FLI1: variants seen among roughly 807,000 people sequenced by gnomAD.
FLI1 encodes the protein Fli-1 proto-oncogene, ETS transcription factor, also known as Friend leukemia integration 1 transcription factor.
A neutral mutation model predicts 53.1 loss-of-function variants in FLI1; 13 were observed. The ratio of observed to expected loss-of-function variants is 0.24; its 90% confidence interval spans 0.16 to 0.39. FLI1 has a LOEUF of 0.39. FLI1 is among the 10% of genes least tolerant of loss of function. The pLI is 1.00. For missense variants in FLI1, 424 were observed against 600.5 expected (o/e 0.71, Z 3.07); for synonymous variants, 244 against 236.7 (o/e 1.03, Z -0.28).
In FLI1 at chr11:128,809,305, G is replaced by A. The variant is rs73021474; in HGVS notation, c.829+101G>A. On this transcript the variant is annotated intron_variant, in intron 8 of 8. Coordinates refer to ENST00000527786, the MANE Select transcript of FLI1 (RefSeq NM_002017.5). ...CTAAGTCCAGACACCTGAGTGGGGAGTAACATGCACGTCTTTCCTTGAAAT... is the reference window on the plus strand; with the variant it reads ...CTAAGTCCAGACACCTGAGTGGGGAATAACATGCACGTCTTTCCTTGAAAT... 3 of 962,260 alleles carry A rather than the reference G, an allele frequency of 3.1e-6. No homozygotes were observed. In the East Asian group the frequency reaches 7.2e-5, roughly 23 times the overall value. The allele number at this position is 962,260 out of a possible 1,614,324, so 59.6% of individuals were successfully genotyped here. A position where few individuals can be genotyped will look rare whatever the true frequency, so the allele number is the denominator to read the frequency against.
At chr11:128,687,298 C>T (rs1313675882) in intron 1 of FLI1, among the ~76,000 whole-genome samples, 2 of 151,924 alleles carry the variant, frequency 1.3e-5, no homozygotes, top group African/African-American at 2.4e-5. Context: ...CAACAGTTTC[C>T]AAGAATGTAA....
chr11:128,765,820 G>C lies in FLI1; in HGVS notation c.231-2298G>C, dbSNP rs549799834. ...TAATGTGTATGCGTGTGTGTGCACT[G>C]TGTTTGCATGTGTGTGCATGTGTTG... On this transcript the variant is annotated intron_variant, in intron 2 of 8. Coordinates refer to ENST00000527786, the MANE Select transcript of FLI1 (RefSeq NM_002017.5). Among the ~76,000 whole-genome samples the C allele has an allele frequency of 1.4e-4, 21 of 147,388 alleles. No individual in the cohort carries two copies. The East Asian group carries it at 2.1e-3, about 15-fold the overall frequency.
Position 128,758,238 on chromosome 11 carries a change from A to T in FLI1, c.142A>T (p.Ile48Phe), listed in dbSNP as rs368549466. 55 of 1,613,334 alleles carry T rather than the reference A, an allele frequency of 3.4e-5. No individual in the cohort carries two copies. Among genetic ancestry groups the T allele is most frequent in the Non-Finnish European group, 4.0e-5 (47 of 1,179,708 alleles). The change falls in exon 2 of 9, where the codon ATC becomes TTC. Residue 48 changes from isoleucine (I) to phenylalanine (F), a missense_variant. Physicochemically the swap from Ile to Phe is conservative, Grantham distance 21. This residue lies in a region of FLI1 where 137 missense variants were observed against 169.1 expected (regional missense o/e 0.81). Coordinates refer to ENST00000527786, the MANE Select transcript of FLI1 (RefSeq NM_002017.5). ...GSPDYGQPHK[I>F]NPLPPQQEWI... Reference sequence around the variant, plus strand: ...TCCTGACTACGGGCAGCCCCACAAGATCAACCCCCTCCCACCACAGCAGGA... The same window carrying T: ...TCCTGACTACGGGCAGCCCCACAAGTTCAACCCCCTCCCACCACAGCAGGA...
Position 128,758,290 on chromosome 11 carries a change from A to G in FLI1, c.194A>G (p.Asn65Ser). The change falls in exon 2 of 9, where the codon AAC (asparagine) becomes AGC (serine). Residue 65 changes from asparagine to serine, a missense_variant. By Grantham distance (46) the Asn-to-Ser change is conservative (BLOSUM62 1). Transcript: ENST00000527786. Reference protein sequence around the residue: ...QEWINQPVRVNVKREYDHMNG... With the variant: ...QEWINQPVRVSVKREYDHMNG... ...TGGATCAATCAGCCAGTGAGGGTCA[A>G]CGTCAAGCGGGAGTATGACCACATG... is the stretch of plus-strand genomic sequence containing the variant. 6.2e-7 allele frequency: 1 copy of G among 1,613,662 alleles called. No homozygotes were observed. Among genetic ancestry groups the G allele is most frequent in the Non-Finnish European group, 8.5e-7 (1 of 1,179,742 alleles).
intron 1 of FLI1, among the ~76,000 whole-genome samples, chr11:128,751,857 TA>T (rs1456920647): frequency 1.3e-5 from 2 of 149,548 alleles, no homozygotes; most frequent in Non-Finnish European, 3.0e-5. Context: ...GAGAAAGAGT[TA>T]TGCCACGTTA....
At chr11:128,805,753 T>C (rs369214200) in intron 6 of FLI1, 11 of 259,998 alleles carry the variant, frequency 4.2e-5, no homozygotes, top group African/African-American at 1.8e-4. Flanking sequence ...TAAATCAAGA[T>C]AATGACTCTC....
At chr11:128,770,493 T>C (rs1479452726) in intron 3 of FLI1, among the ~76,000 whole-genome samples, 1 of 152,226 alleles carries the variant, frequency 6.6e-6, no homozygotes, top group Non-Finnish European at 1.5e-5. Flanking sequence ...AGTTAATCAC[T>C]AGCTCCATGT....
intron 4 of FLI1, among the ~76,000 whole-genome samples, chr11:128,780,463 C>T (rs1206260856): frequency 2.6e-5 from 4 of 152,170 alleles, no homozygotes; most frequent in Admixed American, 1.3e-4. Context: ...AGCATGGTGG[C>T]ACATGCCTGT....
intron 1 of FLI1, among the ~76,000 whole-genome samples, chr11:128,687,457 G>T (rs1189913307): frequency 1.3e-5 from 2 of 152,122 alleles, no homozygotes; most frequent in East Asian, 1.9e-4. Flanking sequence ...GACGCCCTCC[G>T]AGTAGGGACC....
intron 1 of FLI1, among the ~76,000 whole-genome samples, chr11:128,710,217 A>G (rs958948682): frequency 2.6e-5 from 4 of 152,226 alleles, no homozygotes; most frequent in African/African-American, 9.6e-5. Context: ...ATTTGCCCAT[A>G]TTCTACCCAC....
chr11:128,746,863 G>A (rs958981550), intron 1 of FLI1, among the ~76,000 whole-genome samples: 4 of 152,198 alleles, frequency 2.6e-5, no homozygotes, highest in Non-Finnish European at 5.9e-5. Flanking sequence ...CTTGCCCAAA[G>A]TTGCACAGCC....
chr11:128,690,277 C>G (rs1453011863), upstream of FLI1, among the ~76,000 whole-genome samples: 2 of 152,226 alleles, frequency 1.3e-5, no homozygotes, highest in African/African-American at 4.8e-5. Flanking sequence ...CTCGGATACC[C>G]GCTGCGGCCT....
At chr11:128,809,805 G>A (rs1942890792) in intron 8 of FLI1, among the ~76,000 whole-genome samples, 1 of 152,044 alleles carries the variant, frequency 6.6e-6, no homozygotes, top group South Asian at 2.1e-4. Context: ...CCCATCCCAG[G>A]GACTCTGCCT....
chr11:128,726,538 C>A (rs1262302495), intron 1 of FLI1, among the ~76,000 whole-genome samples: 1 of 148,318 alleles, frequency 6.7e-6, no homozygotes, highest in Non-Finnish European at 1.5e-5. Context: ...ACCCTCCCAC[C>A]CCCCTACCCC....
At chr11:128,762,623 T>C (rs1941165731) in intron 2 of FLI1, among the ~76,000 whole-genome samples, 1 of 152,228 alleles carries the variant, frequency 6.6e-6, no homozygotes, top group Admixed American at 6.5e-5. Context: ...CATTTCATCG[T>C]TTTGTTTTCT....
At chr11:128,725,595 A>G (rs996610180) in intron 1 of FLI1, among the ~76,000 whole-genome samples, 1 of 152,160 alleles carries the variant, frequency 6.6e-6, no homozygotes, top group African/African-American at 2.4e-5. Context: ...TTTGGAATGT[A>G]ATAAATGATT....
At chr11:128,779,215 C>T (rs953080090) in intron 4 of FLI1, among the ~76,000 whole-genome samples, 4 of 152,204 alleles carry the variant, frequency 2.6e-5, no homozygotes, top group African/African-American at 7.2e-5. Context: ...TTCGTGCTTT[C>T]GGCTACATCT....
intron 1 of FLI1, among the ~76,000 whole-genome samples, chr11:128,746,094 C>G (rs751063229): frequency 1.3e-5 from 2 of 152,082 alleles, no homozygotes; most frequent in African/African-American, 2.4e-5. Context: ...ACTCAAAGCG[C>G]AAAGATAGAA....
intron 2 of FLI1, among the ~76,000 whole-genome samples, chr11:128,767,310 A>C (rs1175043907): frequency 6.6e-6 from 1 of 152,202 alleles, no homozygotes; most frequent in African/African-American, 2.4e-5. Context: ...CCACCTCTCC[A>C]TCAGGTGGAA....
Sources: gnomAD v4.1 joint callset for allele counts (sites outside exome capture counted in the v4.1 genomes callset) on GRCh38, gnomAD v4.1.1 for gene constraint, gnomAD v4.1.1 regional missense constraint, MANE v1.5 for transcripts, NCBI Gene and HGNC (gene_info 2026-07-23, HGNC 2026-07-21) for gene names.